Variants in SPAG16 observed in about 807,000 individuals in gnomAD.
SPAG16 encodes sperm associated antigen 16.
SPAG16 carries 86 observed loss-of-function variants against 80.4 expected under a neutral mutation model. That is an observed-to-expected ratio of 1.07 (90% CI 0.90 to 1.28). The LOEUF is 1.28. Among genes scored for constraint, SPAG16 ranks in the 50% most tolerant of loss-of-function variants. The pLI is 0.00. For synonymous variants in SPAG16, 294 were observed against 265.9 expected (o/e 1.11, Z -1.03); for missense variants, 870 against 765.3 (o/e 1.14, Z -1.61).
chr2:214,117,174 A>T (rs997820037), intron 14 of SPAG16, among the ~76,000 whole-genome samples: 4 of 152,194 alleles, frequency 2.6e-5, no homozygotes, highest in Non-Finnish European at 5.9e-5. Flanking sequence ...AATTTTAAAA[A>T]ATCAAACAGA....
intron 10 of SPAG16, among the ~76,000 whole-genome samples, chr2:213,636,326 A>G (rs1050428588): frequency 6.6e-6 from 1 of 152,166 alleles, no homozygotes; most frequent in Non-Finnish European, 1.5e-5. Context: ...TTTTTATGCC[A>G]GTACCTTGCT....
rs372999576 is a variant in SPAG16, at chr2:213,826,995, G to GT, written c.1071-35483dup. 2.3e-4 allele frequency among the ~76,000 whole-genome samples: 35 copies of GT among 151,704 alleles called. No homozygotes were observed. In the South Asian group the frequency reaches 6.9e-3, roughly 30 times the overall value. Reference sequence around the variant, plus strand: ...ATGACTTTCTTTGTCTTTTCTTATGGTTTTTTTATGAAATCTATTAGTCTG... The same window carrying GT: ...ATGACTTTCTTTGTCTTTTCTTATGGTTTTTTTTATGAAATCTATTAGTCTG... On this transcript the variant is annotated intron_variant, in intron 10 of 15. Transcript: ENST00000331683.
chr2:213,893,761 A>T (rs1188066961), intron 11 of SPAG16, among the ~76,000 whole-genome samples: 1 of 152,132 alleles, frequency 6.6e-6, no homozygotes, highest in Non-Finnish European at 1.5e-5. Flanking sequence ...GTAAAAATAA[A>T]AAGCAACAAA....
chr2:213,999,071 T>G (rs1039530755), intron 12 of SPAG16, among the ~76,000 whole-genome samples: 1 of 152,078 alleles, frequency 6.6e-6, no homozygotes, highest in Non-Finnish European at 1.5e-5. Flanking sequence ...TGAGGAGAAA[T>G]TCAAGCCAGC....
intron 12 of SPAG16, among the ~76,000 whole-genome samples, chr2:213,997,884 G>T (rs2124847959): frequency 6.6e-6 from 1 of 152,276 alleles, no homozygotes; most frequent in South Asian, 2.1e-4. Context: ...GTGGAAAAAT[G>T]GAACCCTTAC....
At chr2:213,780,900 C>A (rs1011635496) in intron 10 of SPAG16, among the ~76,000 whole-genome samples, 1 of 152,074 alleles carries the variant, frequency 6.6e-6, no homozygotes, top group South Asian at 2.1e-4. Context: ...CAATCAATTT[C>A]TAATAGTATA....
chr2:213,320,173 G>A (rs1041566411), intron 5 of SPAG16, among the ~76,000 whole-genome samples: 3 of 151,900 alleles, frequency 2.0e-5, no homozygotes, highest in Middle Eastern at 3.2e-3. Flanking sequence ...CTTAGAAAAT[G>A]TAGAATGAAG....
At chr2:213,541,798 C>T (rs1213430503) in intron 10 of SPAG16, among the ~76,000 whole-genome samples, 1 of 151,702 alleles carries the variant, frequency 6.6e-6, no homozygotes, top group Non-Finnish European at 1.5e-5. Context: ...GGATAATTAA[C>T]GTCTTCCCTT....
chr2:213,591,708 C>A (rs888467764), intron 10 of SPAG16, among the ~76,000 whole-genome samples: 1 of 152,072 alleles, frequency 6.6e-6, no homozygotes, highest in Non-Finnish European at 1.5e-5. Flanking sequence ...AGCCAAGGAA[C>A]AGTGTGTGTG....
chr2:213,988,967 A>G (rs1185654491), intron 12 of SPAG16, among the ~76,000 whole-genome samples: 5 of 152,132 alleles, frequency 3.3e-5, no homozygotes, highest in Non-Finnish European at 7.4e-5. Flanking sequence ...GTGGAGTTCT[A>G]CTATTGCAGC....
At chr2:213,377,341 A>G (rs1020481612) in intron 9 of SPAG16, among the ~76,000 whole-genome samples, 5 of 152,216 alleles carry the variant, frequency 3.3e-5, no homozygotes, top group Non-Finnish European at 5.9e-5. Context: ...AACTTTATTT[A>G]TGTGACCTAC....
intron 10 of SPAG16, among the ~76,000 whole-genome samples, chr2:213,534,144 TC>T (rs1254435289): frequency 6.6e-6 from 1 of 152,172 alleles, no homozygotes; most frequent in Non-Finnish European, 1.5e-5. Context: ...AAAAATAATA[TC>T]CATTTGTGTT....
chr2:214,139,288 G>GT (rs2055225882), intron 14 of SPAG16, among the ~76,000 whole-genome samples: 1 of 151,970 alleles, frequency 6.6e-6, no homozygotes. Flanking sequence ...ATTTGGTGTG[G>GT]TTTCTTTAAT....
intron 10 of SPAG16, among the ~76,000 whole-genome samples, chr2:213,640,322 T>G (rs1247379586): frequency 6.6e-6 from 1 of 152,180 alleles, no homozygotes; most frequent in African/African-American, 2.4e-5. Flanking sequence ...TAGAACCTTG[T>G]TTTTTAATAT....
chr2:214,001,698 G>A (rs1028657433), intron 12 of SPAG16, among the ~76,000 whole-genome samples: 9 of 152,138 alleles, frequency 5.9e-5, no homozygotes, highest in South Asian at 2.1e-4. Context: ...TTGATGGTAC[G>A]GATGACAGGC....
chr2:214,044,420 A>G (rs2049200887), intron 13 of SPAG16, among the ~76,000 whole-genome samples: 1 of 152,200 alleles, frequency 6.6e-6, no homozygotes, highest in Non-Finnish European at 1.5e-5. Context: ...CCACCCCTGG[A>G]CAACTTGATA....
At chr2:214,274,833 C>T (rs942719562) in intron 15 of SPAG16, among the ~76,000 whole-genome samples, 1 of 152,156 alleles carries the variant, frequency 6.6e-6, no homozygotes. Context: ...GGAGGATTCC[C>T]TCTTTTTCTA....
intron 11 of SPAG16, among the ~76,000 whole-genome samples, chr2:213,881,764 G>A (rs1407765649): frequency 6.6e-6 from 1 of 152,088 alleles, no homozygotes. Context: ...CTTGACACAT[G>A]GGGATTATGG....
chr2:213,340,229 A>T lies in SPAG16; in HGVS notation c.603A>T (p.Arg201=), dbSNP rs996209980. ...ATTTTCATCGAATGCATCATAAGCG[A>T]ATAGTCCAGGAAAAAAACAAATTAA... ...ERDFHRMHHK[R]IVQEKNKLIN... The change falls in exon 6 of 16, where the codon CGA becomes CGT. Residue 201 remains arginine, a synonymous_variant. Coordinates refer to ENST00000331683, the MANE Select transcript of SPAG16 (RefSeq NM_024532.5). 3 of 1,612,812 alleles carry T rather than the reference A, an allele frequency of 1.9e-6. No individual in the cohort carries two copies. The highest frequency in any genetic ancestry group is 2.7e-5 in the African/African-American group (2 of 74,852).
Sources: gnomAD v4.1 joint callset for allele counts (sites outside exome capture counted in the v4.1 genomes callset) on GRCh38, gnomAD v4.1.1 for gene constraint, MANE v1.5 for transcripts, NCBI Gene and HGNC (gene_info 2026-07-23, HGNC 2026-07-21) for gene names.